TRIM65: variants seen among roughly 807,000 people sequenced by gnomAD.
The protein encoded by TRIM65 is tripartite motif containing 65.
In TRIM65, 46 loss-of-function variants were observed where a neutral mutation model predicts 36.1. The observed-to-expected ratio is 1.27, with a 90% CI of 1.01 to 1.63. TRIM65 has a LOEUF of 1.63. TRIM65 is among the 40% of genes most tolerant of loss of function. The pLI, the probability that TRIM65 is intolerant of heterozygous loss-of-function variation, is 0.00. For synonymous variants in TRIM65, 346 were observed against 313.6 expected, an observed-to-expected ratio of 1.10 and a Z score of -1.09; for missense variants, 708 against 696.6, an observed-to-expected ratio of 1.02 and a Z score of -0.18.
intron 1 of TRIM65, among the ~76,000 whole-genome samples, chr17:75,893,463 G>A (rs1309050817): frequency 3.3e-5 from 5 of 152,102 alleles, no homozygotes; most frequent in South Asian, 2.1e-4. Flanking sequence ...ATTCGGTTGC[G>A]CTCCCTGAGT....
chr17:75,884,269 C>A (rs138752530), downstream of TRIM65, among the ~76,000 whole-genome samples: 1,945 of 152,090 alleles, frequency 0.013, 24 homozygotes, highest in Middle Eastern at 0.061. Context: ...ACCAGCCTAA[C>A]CAACATGGAG....
intron 4 of TRIM65, among the ~76,000 whole-genome samples, chr17:75,883,273 C>A (rs1215878858): frequency 6.7e-6 from 1 of 150,070 alleles, no homozygotes; most frequent in Non-Finnish European, 1.5e-5. Flanking sequence ...TGCACTACCA[C>A]GACCAGCTAA....
In TRIM65 at chr17:75,892,397, G is replaced by T. The variant is rs145657229; in HGVS notation, c.614C>A (p.Ala205Asp). The change falls in exon 3 of 6, where the codon GCC becomes GAC. Residue 205 changes from alanine to aspartate, a missense_variant. Physicochemically the swap from Ala to Asp is moderately radical, Grantham distance 126 (BLOSUM62 -2). Transcript: ENST00000269383. ...AGCCTGTGCCAGCGCCTGCGTCTTGGCCACCTCGATGCTCCTCAGTGCTGT... is the reference window on the plus strand; with the variant it reads ...AGCCTGTGCCAGCGCCTGCGTCTTGTCCACCTCGATGCTCCTCAGTGCTGT... ...HTTALRSIEV[A>D]KTQALAQARD... 6.2e-7 allele frequency: 1 copy of T among 1,614,008 alleles called. No individual in the cohort carries two copies. The highest frequency in any genetic ancestry group is 2.2e-5 in the East Asian group (1 of 44,878).
downstream of TRIM65, among the ~76,000 whole-genome samples, chr17:75,885,999 C>T (rs1465873736): frequency 3.9e-5 from 6 of 152,144 alleles, no homozygotes; most frequent in South Asian, 2.1e-4. Flanking sequence ...CCCCACGTGT[C>T]GTGGGAGGGA....
rs755830443 is a variant in TRIM65 at position 75,891,315 on chromosome 17, C to T, written c.1018G>A (p.Ala340Thr). 55 of 1,613,114 alleles carry T rather than the reference C, an allele frequency of 3.4e-5. 1 individual carries two copies. The Middle Eastern group carries it at 4.9e-4, about 14-fold the overall frequency. ...YRNLTFDPVS[A>T]NRHFYLSRQD... ...CGCGACAGATAGAAGTGACGGTTGG[C>T]GCTGACTGGATCAAAGGTCAGATTG... The change falls in exon 6 of 6, where the codon GCC becomes ACC. Residue 340 changes from alanine (A) to threonine (T), a missense_variant. Transcript: ENST00000269383.
Position 75,890,890 on chromosome 17 carries a change from G to A in TRIM65, c.1443C>T (p.Phe481=), listed in dbSNP as rs1205853474. 1 of 1,534,154 alleles carries A rather than the reference G, an allele frequency of 6.5e-7. No homozygotes were observed. Among genetic ancestry groups the A allele is most frequent in the Non-Finnish European group, 8.7e-7 (1 of 1,143,804 alleles). The change falls in exon 6 of 6, where the codon TTC becomes TTT. Residue 481 remains phenylalanine, a synonymous_variant. Coordinates refer to ENST00000269383, the MANE Select transcript of TRIM65 (RefSeq NM_173547.4). ...AGAAGACGGGGGTGAGGGGCTGGTT[G>A]AAGAGGGCATGGAAGGTGTACAGGG... The part of the protein sequence containing the change: ...TQPLYTFHAL[F]NQPLTPVFWL...
chr17:75,895,222 C>T (rs1197920299), intron 1 of TRIM65, among the ~76,000 whole-genome samples: 2 of 152,174 alleles, frequency 1.3e-5, no homozygotes, highest in Admixed American at 1.3e-4. Context: ...TACCACTTCC[C>T]CTCAGCGTTT....
chr17:75,896,519 G>T lies in TRIM65; in HGVS notation c.414+5C>A, dbSNP rs55861951. The T allele has an allele frequency of 2.3e-6, 3 of 1,320,862 alleles. No homozygotes were observed. The highest frequency in any genetic ancestry group is 4.0e-5 in the Admixed American group (1 of 24,856). 81.8% of individuals were successfully genotyped at this position (1,320,862 alleles called of 1,614,324 possible). On this transcript the variant is annotated splice_donor_5th_base_variant and intron_variant, in intron 1 of 5. Transcript: ENST00000269383. ...GACCCCTCCCGCTCCCGGCGGATGC[G>T]TCACCTCGCGCTTGAGGCGCTCGGC... is the stretch of plus-strand genomic sequence containing the variant.
In TRIM65 at chr17:75,896,563, G is replaced by T. The variant is rs1427410511; in HGVS notation, c.375C>A (p.His125Gln). Reference protein sequence around the residue: ...SVCTVRECRLHERALLDAERL... With the variant: ...SVCTVRECRLQERALLDAERL... ...GCTCGGCATCCAGCAGCGCCCGCTC[G>T]TGGAGGCGACACTCGCGCACGGTGC... The change falls in exon 1 of 6, where the codon CAC (histidine) becomes CAA (glutamine). Residue 125 changes from histidine to glutamine, a missense_variant. Coordinates refer to ENST00000269383, the MANE Select transcript of TRIM65 (RefSeq NM_173547.4). 2 of 1,361,290 alleles carry T rather than the reference G, an allele frequency of 1.5e-6. No homozygotes were observed. Among genetic ancestry groups the T allele is most frequent in the Non-Finnish European group, 1.9e-6 (2 of 1,058,396 alleles). 84.3% of individuals were successfully genotyped at this position (1,361,290 alleles called of 1,614,324 possible).
chr17:75,883,261 C>T (rs1269246669), intron 4 of TRIM65, among the ~76,000 whole-genome samples: 5 of 146,868 alleles, frequency 3.4e-5, no homozygotes, highest in South Asian at 2.1e-4. Flanking sequence ...GGACTATAGG[C>T]GTGCACTACC....
chr17:75,885,530 C>G (rs2065200624), downstream of TRIM65, among the ~76,000 whole-genome samples: 1 of 152,212 alleles, frequency 6.6e-6, no homozygotes, highest in Non-Finnish European at 1.5e-5. Context: ...CAGGCGGGAG[C>G]CACCGCGCCC....
rs772615433 is a variant in TRIM65, at chr17:75,891,874, G to A, written c.924C>T (p.Ala308=). 1 of 1,611,452 alleles carries A rather than the reference G, an allele frequency of 6.2e-7. No homozygotes were observed. The highest frequency in any genetic ancestry group is 8.5e-7 in the Non-Finnish European group (1 of 1,178,850). ...TTGGGACCGGTGCCAGGGGACCTGG[G>A]GCCTCTAGGGGGCAAAGCAGTGTTA... is the stretch of plus-strand genomic sequence containing the variant. ...AKPVDLAPVE[A]PGPLAPVPST... is the part of the protein sequence containing the mutation. Residue 308 remains alanine (A), a synonymous_variant, in exon 5 of 6, where the codon GCC becomes GCT. Coordinates refer to ENST00000269383, the MANE Select transcript of TRIM65 (RefSeq NM_173547.4).
rs1010776646 is a variant in TRIM65, at chr17:75,890,674, C to T, written c.*105G>A. ...AACCTCCCATCTCTTTCTGAGTTAA[C>T]AGAGAGGCCAACAGCTGGTCCTCCA... On this transcript the variant is annotated 3_prime_UTR_variant, in exon 6 of 6. Transcript: ENST00000269383. 5.0e-6 allele frequency: 5 copies of T among 1,005,578 alleles called. No homozygotes were observed. Among genetic ancestry groups the T allele is most frequent in the Non-Finnish European group, 7.0e-6 (5 of 717,758 alleles). 62.3% of individuals were successfully genotyped at this position (1,005,578 alleles called of 1,614,324 possible).
At chr17:75,885,148 G>A (rs183815565), downstream of TRIM65, among the ~76,000 whole-genome samples, 240 of 151,772 alleles carry the variant, frequency 1.6e-3, 4 homozygotes, top group Admixed American at 0.011. Flanking sequence ...GGTTGGTCTC[G>A]AACTCCTGAC....
At chr17:75,885,844 G>A (rs1328723059), downstream of TRIM65, among the ~76,000 whole-genome samples, 6 of 152,126 alleles carry the variant, frequency 3.9e-5, no homozygotes, top group Non-Finnish European at 2.9e-5. Flanking sequence ...CCAGCTTGAT[G>A]CTACTCAAAG....
intron 1 of TRIM65, among the ~76,000 whole-genome samples, chr17:75,894,466 C>A (rs2065317567): frequency 6.6e-6 from 1 of 152,258 alleles, no homozygotes. Context: ...CCCCTGTCTC[C>A]AGGTGCCACA....
downstream of TRIM65, among the ~76,000 whole-genome samples, chr17:75,885,572 A>T (rs1294652042): frequency 6.6e-6 from 1 of 152,188 alleles, no homozygotes; most frequent in Non-Finnish European, 1.5e-5. Flanking sequence ...GTTTCTGGAG[A>T]CTGCAGATGC....
chr17:75,892,925 A>T, intron 1 of TRIM65, 75 bp from the exon 2 acceptor site: 2 of 1,363,186 alleles, frequency 1.5e-6, no homozygotes, highest in Non-Finnish European at 2.0e-6. Context: ...CAGACAACCA[A>T]CCATGCCTGC....
At chr17:75,894,405 C>T (rs1029674633) in intron 1 of TRIM65, among the ~76,000 whole-genome samples, 3 of 152,252 alleles carry the variant, frequency 2.0e-5, no homozygotes, top group Non-Finnish European at 4.4e-5. Flanking sequence ...TTTCTGTCCT[C>T]GTACTGAGCC....
Sources: allele counts gnomAD v4.1 joint callset (sites outside exome capture counted in the v4.1 genomes callset), GRCh38; gene constraint gnomAD v4.1.1; transcripts MANE v1.5; gene names NCBI Gene and HGNC (gene_info 2026-07-23, HGNC 2026-07-21).